Variants in GPR183 observed in about 807,000 individuals in gnomAD.
GPR183 encodes EBV-induced G-protein coupled receptor 2.
A neutral mutation model predicts 19.7 loss-of-function variants in GPR183; 9 were observed. The observed-to-expected ratio is 0.46, with a 90% CI of 0.28 to 0.80. The LOEUF (loss-of-function observed/expected upper bound fraction) is 0.80. GPR183 is among the 30% of genes least tolerant of loss of function. The pLI is 0.13. For synonymous variants in GPR183, 160 were observed against 155.1 expected (o/e 1.03, Z -0.24); for missense variants, 368 against 446.7 (o/e 0.82, Z 1.59).
chr13:99,305,860 T>A (rs1280904722), intron 1 of GPR183, among the ~76,000 whole-genome samples: 1 of 152,182 alleles, frequency 6.6e-6, no homozygotes, highest in Non-Finnish European at 1.5e-5. Flanking sequence ...CACAGTTAGA[T>A]GTGTGATCAT....
intron 1 of GPR183, among the ~76,000 whole-genome samples, chr13:99,299,542 T>C: frequency 6.6e-6 from 1 of 152,202 alleles, no homozygotes; most frequent in Non-Finnish European, 1.5e-5. Context: ...TCATATATTC[T>C]AGATTTTTAA....
At chr13:99,296,210 C>T in intron 1 of GPR183, 47 bp from the exon 2 acceptor site, 1 of 1,446,694 alleles carries the variant, frequency 6.9e-7, no homozygotes, top group Non-Finnish European at 9.2e-7. Context: ...CATATGTATT[C>T]AGTTTGATTA....
chr13:99,296,148 G>A lies in GPR183; in HGVS notation c.-3C>T. The A allele has an allele frequency of 6.3e-7, 1 of 1,585,970 alleles. No homozygotes were observed. The highest frequency in any genetic ancestry group is 2.3e-5 in the East Asian group (1 of 44,444). ...TTGTTTGCCATTTGTATATCCATTG[G>A]TGGTGGTCCAGGTGTCTAGAAAAAA... On this transcript the variant is annotated 5_prime_UTR_variant, in exon 2 of 2. Transcript: ENST00000376414.
chr13:99,296,095 C>T lies in GPR183; in HGVS notation c.51G>A (p.Gln17=), dbSNP rs747987963. 10 of 1,612,652 alleles carry T rather than the reference C, an allele frequency of 6.2e-6. No homozygotes were observed. The highest frequency in any genetic ancestry group is 8.5e-6 in the Non-Finnish European group (10 of 1,179,082). ...NNFTPPSATP[Q]GNDCDLYAHH... is the part of the protein sequence containing the mutation. ...GTGCATAGAGGTCACAGTCATTTCCCTGAGGAGTTGCAGAGGGCGGAGTAA... is the reference window on the plus strand; with the variant it reads ...GTGCATAGAGGTCACAGTCATTTCCTTGAGGAGTTGCAGAGGGCGGAGTAA... The change falls in exon 2 of 2, where the codon CAG becomes CAA. Residue 17 remains glutamine, a synonymous_variant. Coordinates refer to ENST00000376414, the MANE Select transcript of GPR183 (RefSeq NM_004951.5).
Position 99,295,888 on chromosome 13 carries a change from T to C in GPR183, c.258A>G (p.Thr86=). ...AGCCCATTGCATAGTAGGCTATTCG[T>C]GTAGGCAAAGCGGTGGTAAAAAGTA... ...SDILFTTALP[T]RIAYYAMGFD... The change falls in exon 2 of 2, where the codon ACA becomes ACG. Residue 86 remains threonine (T), a synonymous_variant. Transcript: ENST00000376414. This position sits in a 1 kb window ranked among gnomAD's most constrained non-coding sequence, Gnocchi z 4.1. 6.2e-7 allele frequency: 1 copy of C among 1,611,902 alleles called. No homozygotes were observed.
intron 1 of GPR183, among the ~76,000 whole-genome samples, chr13:99,304,850 C>G (rs557046955): frequency 6.6e-6 from 1 of 152,110 alleles, no homozygotes; most frequent in African/African-American, 2.4e-5. Context: ...CTCCTATTTC[C>G]GACGTGATCT....
rs1347864373 is a variant in GPR183, at chr13:99,295,930, A to G, written c.216T>C (p.Asn72=). ...KINSTTLYST[N]LVISDILFTT... ...TAAAAAGTATATCAGAAATCACCAA[A>G]TTTGTTGAATAGAGGGTGGTAGAGT... Residue 72 remains asparagine (N), a synonymous_variant, in exon 2 of 2, where the codon AAT becomes AAC. Transcript: ENST00000376414. This position sits in a 1 kb window ranked among gnomAD's most constrained non-coding sequence, Gnocchi z 4.1. The G allele has an allele frequency of 1.9e-6, 3 of 1,613,918 alleles. No homozygotes were observed. Among genetic ancestry groups the G allele is most frequent in the Middle Eastern group, 1.6e-4 (1 of 6,062 alleles).
intron 1 of GPR183, among the ~76,000 whole-genome samples, chr13:99,298,527 TATTTAAAAAAGGAAAG>T: frequency 6.6e-6 from 1 of 152,324 alleles, no homozygotes; most frequent in African/African-American, 2.4e-5. Context: ...TGAATGCATT[TATTTAAAAAAGGAAAG>T]ATTTAAAATA....
chr13:99,296,095 C>G lies in GPR183; in HGVS notation c.51G>C (p.Gln17His), dbSNP rs747987963. ...GTGCATAGAGGTCACAGTCATTTCC[C>G]TGAGGAGTTGCAGAGGGCGGAGTAA... ...NNFTPPSATP[Q>H]GNDCDLYAHH... The change falls in exon 2 of 2, where the codon CAG (glutamine) becomes CAC (histidine). Residue 17 changes from glutamine to histidine, a missense_variant. Coordinates refer to ENST00000376414, the MANE Select transcript of GPR183 (RefSeq NM_004951.5). 3 of 1,612,534 alleles carry G rather than the reference C, an allele frequency of 1.9e-6. No individual in the cohort carries two copies. Among genetic ancestry groups the G allele is most frequent in the African/African-American group, 2.7e-5 (2 of 74,888 alleles).
chr13:99,302,496 T>G (rs1457728296), intron 1 of GPR183, among the ~76,000 whole-genome samples: 1 of 152,230 alleles, frequency 6.6e-6, no homozygotes, highest in African/African-American at 2.4e-5. Context: ...TTACCTGGTT[T>G]GATAAGTATT....
Position 99,295,303 on chromosome 13 carries a change from G to A in GPR183, c.843C>T (p.Ser281=). 7 of 1,614,118 alleles carry A rather than the reference G, an allele frequency of 4.3e-6. No individual in the cohort carries two copies. The highest frequency in any genetic ancestry group is 1.1e-5 in the South Asian group (1 of 91,080). ...GAGAAATCTGGAACGAATGTCTTTG[G>A]CTACATTCCAGGAAATTAGAGAAAC... ...KLRFSNFLEC[S]QRHSFQISLH... Residue 281 remains serine, a synonymous_variant, in exon 2 of 2, where the codon AGC becomes AGT. Coordinates refer to ENST00000376414, the MANE Select transcript of GPR183 (RefSeq NM_004951.5). The surrounding 1 kb of genome is among the most constrained non-coding windows in gnomAD (Gnocchi z 4.1).
chr13:99,305,463 G>A (rs567596573), intron 1 of GPR183, among the ~76,000 whole-genome samples: 25 of 152,298 alleles, frequency 1.6e-4, no homozygotes, highest in Non-Finnish European at 2.9e-4. Flanking sequence ...GCTTTATTAG[G>A]TGCGAAGCTC....
At position 99,295,547 on chromosome 13, in the gene GPR183, G is replaced by A; in HGVS notation, c.599C>T (p.Ala200Val). The change falls in exon 2 of 2, where the codon GCA becomes GTA. Residue 200 changes from alanine to valine, a missense_variant. Transcript: ENST00000376414. This position sits in a 1 kb window ranked among gnomAD's most constrained non-coding sequence, Gnocchi z 4.1. ...TGGAAGTACATATCCTATGAAACAT[G>A]CCCCAAGCAGAATCCAGGGAAGAGA... ...TKSLPWILLGACFIGYVLPLI... is the reference protein window; with the variant it reads ...TKSLPWILLGVCFIGYVLPLI... 6.2e-7 allele frequency: 1 copy of A among 1,613,856 alleles called. No homozygotes were observed. Among genetic ancestry groups the A allele is most frequent in the Non-Finnish European group, 8.5e-7 (1 of 1,180,002 alleles).
Position 99,294,956 on chromosome 13 carries a change from AAAG to A in GPR183, c.*101_*103del. The stretch of plus-strand genomic sequence containing the variant: ...GAAAGTGCCCAATGAAAGAAATATA[AAAG>A]AATACTAATTGGAAGCTGAACAATT... On this transcript the variant is annotated 3_prime_UTR_variant, in exon 2 of 2. Coordinates refer to ENST00000376414, the MANE Select transcript of GPR183 (RefSeq NM_004951.5). The A allele has an allele frequency of 7.5e-7, 1 of 1,329,742 alleles. No individual in the cohort carries two copies. Among genetic ancestry groups the A allele is most frequent in the Non-Finnish European group, 1.0e-6 (1 of 973,230 alleles). 82.4% of individuals were successfully genotyped at this position (1,329,742 alleles called of 1,614,324 possible).
Position 99,303,892 on chromosome 13 carries a change from G to T in GPR183, c.-19+3448C>A, listed in dbSNP as rs368551795. Among the ~76,000 whole-genome samples the T allele has an allele frequency of 1.9e-4, 29 of 152,284 alleles. No homozygotes were observed. In the East Asian group the frequency reaches 4.1e-3, roughly 21 times the overall value. On this transcript the variant is annotated intron_variant, in intron 1 of 1. Transcript: ENST00000376414. The stretch of plus-strand genomic sequence containing the variant: ...AGGCAGGGGTCGTGAAGGCGCCCAG[G>T]ACTCCGTGTTCTCCCTCACCTGCTG...
chr13:99,296,553 A>G (rs989376461), intron 1 of GPR183, among the ~76,000 whole-genome samples: 3 of 152,200 alleles, frequency 2.0e-5, no homozygotes, highest in Non-Finnish European at 2.9e-5. Context: ...CACATTTCAG[A>G]CAGGCATTAA....
chr13:99,296,167 G>GAA lies in GPR183; in HGVS notation c.-18-6_-18-5dup. On this transcript the variant is annotated splice_region_variant and splice_polypyrimidine_tract_variant and intron_variant, in intron 1 of 1. Coordinates refer to ENST00000376414, the MANE Select transcript of GPR183 (RefSeq NM_004951.5). Reference sequence around the variant, plus strand: ...CCATTGGTGGTGGTCCAGGTGTCTAGAAAAAAACCAAGAAGGATCATATAA... The same window carrying GAA: ...CCATTGGTGGTGGTCCAGGTGTCTAGAAAAAAAAACCAAGAAGGATCATATAA... The GAA allele has an allele frequency of 6.5e-7, 1 of 1,539,716 alleles. No individual in the cohort carries two copies. The highest frequency in any genetic ancestry group is 2.3e-5 in the East Asian group (1 of 43,860).
chr13:99,295,498 A>G lies in GPR183; in HGVS notation c.648T>C (p.Tyr216=), dbSNP rs1411765660. The change falls in exon 2 of 2, where the codon TAT becomes TAC. Residue 216 remains tyrosine, a synonymous_variant. Transcript: ENST00000376414. The surrounding 1 kb of genome is among the most constrained non-coding windows in gnomAD (Gnocchi z 4.1). The part of the protein sequence containing the change: ...VLPLIIILIC[Y]SQICCKLFRT... ...TGAAGAGTTTGCAGCAGATCTGAGA[A>G]TAGCAGATGAGAATGATTATAAGTG... 8.1e-6 allele frequency: 13 copies of G among 1,613,872 alleles called. No homozygotes were observed. Among genetic ancestry groups the G allele is most frequent in the Non-Finnish European group, 1.1e-5 (13 of 1,180,004 alleles).
intron 1 of GPR183, among the ~76,000 whole-genome samples, chr13:99,300,797 T>C (rs899763150): frequency 1.3e-5 from 2 of 152,372 alleles, no homozygotes; most frequent in African/African-American, 4.8e-5. Context: ...TAGCAGTATG[T>C]GCTGGGTTCC....
Sources: gnomAD v4.1 joint callset for allele counts (sites outside exome capture counted in the v4.1 genomes callset) on GRCh38, gnomAD v4.1.1 for gene constraint, Gnocchi (gnomAD v3.1) non-coding constraint, MANE v1.5 for transcripts, NCBI Gene and HGNC (gene_info 2026-07-23, HGNC 2026-07-21) for gene names.